TEX11: variants seen among roughly 807,000 people sequenced by gnomAD.
TEX11 encodes the protein testis expressed 11.
Under a neutral mutation model 84.4 loss-of-function variants are expected in TEX11, and 7 were observed. That is an observed-to-expected ratio of 0.08 (90% confidence interval 0.05 to 0.16). The LOEUF (loss-of-function observed/expected upper bound fraction) is 0.16. Ranked by LOEUF, TEX11 falls within the 10% of genes least tolerant of loss-of-function variation. The probability of loss-of-function intolerance (pLI) is 1.00; values close to 1 mark genes in which losing one functional copy is unlikely to be tolerated. For missense variants in TEX11, 551 were observed against 660.5 expected (o/e 0.83, Z 1.82); for synonymous variants, 264 against 222.8 (o/e 1.18, Z -1.64).
chrX:70,640,631 AAGAATTTTCAACCC>A (rs1182122242), intron 17 of TEX11, among the ~76,000 whole-genome samples: 1 of 109,206 alleles, frequency 9.2e-6, no homozygotes, highest in Non-Finnish European at 1.9e-5. Context: ...TCTTAAAGAA[AAGAATTTTCAACCC>A]AGAATTTCAT....
intron 25 of TEX11, among the ~76,000 whole-genome samples, chrX:70,562,197 T>C (rs1853263927): frequency 8.9e-6 from 1 of 112,128 alleles, no homozygotes; most frequent in African/African-American, 3.2e-5. Flanking sequence ...GCCATATTTA[T>C]TGTAGTATTC....
At chrX:70,650,855 G>T (rs1261843088) in intron 17 of TEX11, among the ~76,000 whole-genome samples, 1 of 111,817 alleles carries the variant, frequency 8.9e-6, no homozygotes, top group East Asian at 2.8e-4. Flanking sequence ...CTGAGCAAAG[G>T]CATATCTATA....
chrX:70,534,815 C>T (rs779974121), intron 28 of TEX11, among the ~76,000 whole-genome samples: 3 of 111,819 alleles, frequency 2.7e-5, no homozygotes, highest in Admixed American at 9.5e-5. Flanking sequence ...GTGTACAATA[C>T]GGTGGTTTTT....
At chrX:70,669,423 T>C (rs1183837454) in intron 16 of TEX11, among the ~76,000 whole-genome samples, 2 of 112,342 alleles carry the variant, frequency 1.8e-5, no homozygotes, top group Non-Finnish European at 3.8e-5. Flanking sequence ...TAACAAAATC[T>C]ACATGATCAT....
At chrX:70,543,615 T>C (rs906791461) in intron 28 of TEX11, among the ~76,000 whole-genome samples, 8 of 112,243 alleles carry the variant, frequency 7.1e-5, no homozygotes, top group African/African-American at 2.6e-4. Flanking sequence ...TGTTGAAGTT[T>C]TTATTTTTAA....
Position 70,666,401 on chromosome X carries a change from A to C in TEX11, c.1380+3976T>G, listed in dbSNP as rs1001237556. Among the ~76,000 whole-genome samples, 5 of 112,329 alleles carry C rather than the reference A, an allele frequency of 4.5e-5. No homozygotes were observed. The East Asian group carries it at 1.4e-3, about 31-fold the overall frequency. ...ACATAGATCATGGCTAGGAAGCAGC[A>C]AGTACTCCAGTTGAGGACAAACATA... On this transcript the variant is annotated intron_variant, in intron 16 of 29. Coordinates refer to ENST00000374333, the MANE Select transcript of TEX11 (RefSeq NM_031276.3).
chrX:70,905,355 A>C (rs775201202), intron 2 of TEX11, among the ~76,000 whole-genome samples: 35 of 111,461 alleles, frequency 3.1e-4, no homozygotes, highest in Non-Finnish European at 5.7e-5. Flanking sequence ...CAATGTATTG[A>C]GGTAGTGAGT....
intron 5 of TEX11, among the ~76,000 whole-genome samples, chrX:70,856,392 TA>T (rs760426569): frequency 9.0e-6 from 1 of 110,746 alleles, no homozygotes; most frequent in South Asian, 3.8e-4. Flanking sequence ...TATTTTAAAA[TA>T]TTTTATATTT....
chrX:70,900,929 G>A, intron 2 of TEX11, among the ~76,000 whole-genome samples: 1 of 111,351 alleles, frequency 9.0e-6, no homozygotes, highest in Non-Finnish European at 1.9e-5. Context: ...GGGCAATGGA[G>A]TGAGACTCTG....
intron 17 of TEX11, among the ~76,000 whole-genome samples, chrX:70,649,302 C>T (rs904789574): frequency 1.5e-4 from 17 of 111,964 alleles, no homozygotes; most frequent in East Asian, 5.6e-4. Context: ...TGCTGTCTTC[C>T]GCTATGATTG....
chrX:70,782,328 T>C (rs916605410), intron 9 of TEX11, among the ~76,000 whole-genome samples: 8 of 110,652 alleles, frequency 7.2e-5, no homozygotes, highest in African/African-American at 2.6e-4. Flanking sequence ...GCACTAAACA[T>C]GGAAAGGAAC....
chrX:70,568,821 C>G (rs2088538223), intron 25 of TEX11, among the ~76,000 whole-genome samples: 1 of 111,090 alleles, frequency 9.0e-6, no homozygotes, highest in East Asian at 2.8e-4. Flanking sequence ...CGACCTTTCT[C>G]TCTGGCTGCC....
At chrX:70,825,347 A>G (rs780095471) in intron 8 of TEX11, among the ~76,000 whole-genome samples, 5 of 107,561 alleles carry the variant, frequency 4.6e-5, no homozygotes, top group East Asian at 2.9e-4. Context: ...ATTTATATAT[A>G]TGTATATATA....
intron 9 of TEX11, among the ~76,000 whole-genome samples, chrX:70,794,875 GGCTTCAGGTGT>G (rs1250522299): frequency 9.2e-6 from 1 of 108,673 alleles, no homozygotes; most frequent in Admixed American, 1.0e-4. Context: ...GAGATGTGCT[GGCTTCAGGTGT>G]GAGCCAACAC....
intron 17 of TEX11, among the ~76,000 whole-genome samples, chrX:70,630,431 A>G (rs768829350): frequency 2.2e-4 from 24 of 111,318 alleles, no homozygotes; most frequent in African/African-American, 7.8e-4. Flanking sequence ...AAAATAAAAA[A>G]TTGAGTAGCT....
chrX:70,662,150 C>A (rs897993921), intron 16 of TEX11, among the ~76,000 whole-genome samples: 1 of 111,139 alleles, frequency 9.0e-6, no homozygotes. Flanking sequence ...CTAGAATAAC[C>A]AATGCAGAGA....
At chrX:70,874,694 AC>A (rs1184554257) in intron 3 of TEX11, among the ~76,000 whole-genome samples, 289 of 107,792 alleles carry the variant, frequency 2.7e-3, no homozygotes, top group Middle Eastern at 4.8e-3. Flanking sequence ...GAGCCACCAC[AC>A]CCGGCTGACT....
chrX:70,893,256 C>T (rs1358749581), intron 2 of TEX11, among the ~76,000 whole-genome samples: 8 of 111,657 alleles, frequency 7.2e-5, no homozygotes, highest in Non-Finnish European at 1.5e-4. Context: ...ACATTCTTCT[C>T]GGCACCACAT....
Position 70,610,490 on chromosome X carries a change from G to T in TEX11, c.1792+13C>A, listed in dbSNP as rs763404829. ...CAAGATGAAGGACTGAATATAACCAGGGAGATATTTACCTCTATTCAGGCA... is the reference window on the plus strand; with the variant it reads ...CAAGATGAAGGACTGAATATAACCATGGAGATATTTACCTCTATTCAGGCA... On this transcript the variant is annotated intron_variant, in intron 21 of 29. Transcript: ENST00000374333. The T allele has an allele frequency of 8.3e-7, 1 of 1,199,696 alleles. No homozygotes were observed. Among genetic ancestry groups the T allele is most frequent in the South Asian group, 1.8e-5 (1 of 55,457 alleles).
Sources: gnomAD v4.1 joint callset for allele counts (sites outside exome capture counted in the v4.1 genomes callset) on GRCh38, gnomAD v4.1.1 for gene constraint, MANE v1.5 for transcripts, NCBI Gene and HGNC (gene_info 2026-07-23, HGNC 2026-07-21) for gene names.